The following UBAP2L variants were observed in gnomAD, a reference collection of about 807,000 sequenced individuals.
The protein encoded by UBAP2L is ubiquitin associated protein 2 like, also known as ubiquitin-associated protein 2-like.
In UBAP2L, 12 loss-of-function variants were observed where a neutral mutation model predicts 130.6. The ratio of observed to expected loss-of-function variants is 0.09; its 90% CI spans 0.06 to 0.15. The LOEUF is 0.15. Ranked by LOEUF, UBAP2L falls within the 10% of genes least tolerant of loss-of-function variation. The pLI, the probability that UBAP2L is intolerant of heterozygous loss-of-function variation, is 1.00. For missense variants in UBAP2L, 965 were observed against 1,332.5 expected (o/e 0.72, Z 4.29); for synonymous variants, 503 against 524.7 (o/e 0.96, Z 0.57).
In UBAP2L at chr1:154,260,909, G is replaced by T; in HGVS notation, c.2596G>T (p.Gly866Cys). 6.2e-7 allele frequency: 1 copy of T among 1,614,104 alleles called. No homozygotes were observed. Among genetic ancestry groups the T allele is most frequent in the Non-Finnish European group, 8.5e-7 (1 of 1,180,008 alleles). The stretch of plus-strand genomic sequence containing the variant: ...TGTCACAGGTGACCTCACAAAGTTC[G>T]GCCGTGGGGATGCCTCCTCCCCAGC... ...NPYSGDLTKFGRGDASSPAPA... is the reference protein window; with the variant it reads ...NPYSGDLTKFCRGDASSPAPA... The change falls in exon 23 of 27, where the codon GGC becomes TGC. Residue 866 changes from glycine to cysteine, a missense_variant. Around this residue, in one of 9 missense-constraint regions of UBAP2L, gnomAD observed 194 missense variants for 334.0 expected, o/e 0.58. Coordinates refer to ENST00000428931, the MANE Select transcript of UBAP2L (RefSeq NM_014847.4).
Position 154,254,674 on chromosome 1 carries a change from T to G in UBAP2L, c.1855-162T>G, listed in dbSNP as rs1016530718. On this transcript the variant is annotated intron_variant, in intron 15 of 26. Coordinates refer to ENST00000428931, the MANE Select transcript of UBAP2L (RefSeq NM_014847.4). ...GTTTAATTTTTGTTCCTATTTTGGT[T>G]TTTTGGATAGTCTACATTGTATTAA... is the stretch of plus-strand genomic sequence containing the variant. 4.9e-5 allele frequency: 38 copies of G among 783,124 alleles called. No individual in the cohort carries two copies. In the Middle Eastern group the frequency reaches 1.1e-3, roughly 23 times the overall value. 48.5% of individuals were successfully genotyped at this position (783,124 alleles called of 1,614,324 possible).
At chr1:154,255,818 T>C (rs188068064) in intron 18 of UBAP2L, 63 bp downstream of exon 18, 3 of 1,569,646 alleles carry the variant, frequency 1.9e-6, no homozygotes, top group African/African-American at 2.7e-5. Flanking sequence ...AACTGTAAGA[T>C]TGTCCCAAGA....
intron 4 of UBAP2L, among the ~76,000 whole-genome samples, chr1:154,230,013 C>A (rs566878048): frequency 6.6e-6 from 1 of 152,152 alleles, no homozygotes; most frequent in Non-Finnish European, 1.5e-5. Context: ...CACCACCATA[C>A]CCAGCTAATT....
chr1:154,258,409 C>T (rs910318332), intron 20 of UBAP2L, among the ~76,000 whole-genome samples: 1 of 152,142 alleles, frequency 6.6e-6, no homozygotes, highest in Non-Finnish European at 1.5e-5. Context: ...AGCTTTTTGC[C>T]CTAGTGTATC....
intron 11 of UBAP2L, among the ~76,000 whole-genome samples, chr1:154,247,858 A>T (rs2148833235): frequency 6.6e-6 from 1 of 152,216 alleles, no homozygotes; most frequent in South Asian, 2.1e-4. Context: ...ATGTTAGAGG[A>T]TTAATTTCAC....
At chr1:154,260,799 A>G (rs747984891) in intron 22 of UBAP2L, 93 bp from the exon 23 acceptor site, 7 of 1,247,824 alleles carry the variant, frequency 5.6e-6, no homozygotes, top group Non-Finnish European at 8.0e-6. Context: ...GTCTTTGAAC[A>G]GGATCTCCTG....
At chr1:154,221,577 G>A (rs1666117485) in intron 1 of UBAP2L, among the ~76,000 whole-genome samples, 1 of 152,224 alleles carries the variant, frequency 6.6e-6, no homozygotes, top group Admixed American at 6.5e-5. Context: ...GGTGTGCGAA[G>A]GATTAATTTG....
intron 1 of UBAP2L, chr1:154,221,323 G>A (rs1050576411): frequency 1.3e-4 from 20 of 153,242 alleles, no homozygotes; most frequent in African/African-American, 4.6e-4. Context: ...TAGGAAGGGG[G>A]GGCCATGCGG....
intron 10 of UBAP2L, among the ~76,000 whole-genome samples, chr1:154,244,903 G>A (rs1215703880): frequency 1.3e-5 from 2 of 152,118 alleles, no homozygotes; most frequent in African/African-American, 4.8e-5. Flanking sequence ...GGTGGGATTG[G>A]GAGGGGCTTC....
rs1684526064 is a variant in UBAP2L, at chr1:154,270,531, C to G, written c.*236C>G. On this transcript the variant is annotated 3_prime_UTR_variant, in exon 27 of 27. Transcript: ENST00000428931. ...TTTTCCCCCTTCCATTCCTTCTCCC[C>G]TCTTGCATTCAAGATTATGAAACTT... is the stretch of plus-strand genomic sequence containing the variant. The G allele has an allele frequency of 6.9e-7, 1 of 1,439,064 alleles. No individual in the cohort carries two copies. The highest frequency in any genetic ancestry group is 9.1e-7 in the Non-Finnish European group (1 of 1,101,044). The allele number at this position is 1,439,064 out of a possible 1,614,324, so 89.1% of individuals were successfully genotyped here.
intron 8 of UBAP2L, among the ~76,000 whole-genome samples, chr1:154,240,592 T>C (rs1206228560): frequency 1.3e-5 from 2 of 152,156 alleles, no homozygotes; most frequent in East Asian, 1.9e-4. Context: ...GCTTTTCTTA[T>C]ACAGTTAAAC....
At position 154,266,281 on chromosome 1, in the gene UBAP2L, C is replaced by T. The variant is rs542970661; in HGVS notation, c.2903-220C>T. On this transcript the variant is annotated intron_variant, in intron 24 of 26. Coordinates refer to ENST00000428931, the MANE Select transcript of UBAP2L (RefSeq NM_014847.4). ...CAAAAAACAACTTACCTCACTCTCTCTCACGTATACTCAACACGTACCTGG... is the reference window on the plus strand; with the variant it reads ...CAAAAAACAACTTACCTCACTCTCTTTCACGTATACTCAACACGTACCTGG... Among the ~76,000 whole-genome samples, 27 of 152,328 alleles carry T rather than the reference C, an allele frequency of 1.8e-4. No homozygotes were observed. The South Asian group carries it at 4.6e-3, about 26-fold the overall frequency.
intron 20 of UBAP2L, 123 bp from the exon 21 acceptor site, chr1:154,258,854 T>C: frequency 1.4e-6 from 1 of 734,068 alleles, no homozygotes; most frequent in Non-Finnish European, 2.3e-6. Context: ...AAGGAAATAA[T>C]CCGTGTCCTG....
At chr1:154,220,407 T>C (rs750437861), upstream of UBAP2L, 9 of 1,614,226 alleles carry the variant, frequency 5.6e-6, no homozygotes, top group East Asian at 2.2e-5. Context: ...CCGGACGCCA[T>C]GGCCTCCCTA....
At chr1:154,251,004 G>C (rs1385035178) in intron 12 of UBAP2L, 37 bp from the exon 13 acceptor site, 1 of 1,571,826 alleles carries the variant, frequency 6.4e-7, no homozygotes, top group Admixed American at 1.8e-5. Flanking sequence ...AGATTCATTA[G>C]CATCTCTGGC....
chr1:154,260,133 T>C, intron 22 of UBAP2L, 104 bp downstream of exon 22: 1 of 1,275,346 alleles, frequency 7.8e-7, no homozygotes, highest in Non-Finnish European at 1.1e-6. Flanking sequence ...TCAGGATTGG[T>C]AGATTCAAAA....
intron 11 of UBAP2L, among the ~76,000 whole-genome samples, chr1:154,247,918 G>A (rs1676069057): frequency 6.6e-6 from 1 of 151,304 alleles, no homozygotes. Context: ...ATATTTTTAT[G>A]TATAATACAG....
At chr1:154,252,114 C>T (rs1029991522) in intron 14 of UBAP2L, among the ~76,000 whole-genome samples, 25 of 151,698 alleles carry the variant, frequency 1.6e-4, no homozygotes, top group Admixed American at 3.3e-4. Flanking sequence ...GCTGGGATTA[C>T]AGGTGCCCAC....
In UBAP2L at chr1:154,270,328, TGA is replaced by T; in HGVS notation, c.*37_*38del. On this transcript the variant is annotated 3_prime_UTR_variant, in exon 27 of 27. Coordinates refer to ENST00000428931, the MANE Select transcript of UBAP2L (RefSeq NM_014847.4). ...ACCCTCTTCTCCCGGTCCCATCTTC[TGA>T]GAGGGCTTCTCAGCCTGGAAACTAT... 1 of 1,613,544 alleles carries T rather than the reference TGA, an allele frequency of 6.2e-7. No individual in the cohort carries two copies.
Sources: allele counts gnomAD v4.1 joint callset (sites outside exome capture counted in the v4.1 genomes callset), GRCh38; gene constraint gnomAD v4.1.1; regional missense constraint gnomAD v4.1.1; transcripts MANE v1.5; gene names NCBI Gene and HGNC (gene_info 2026-07-23, HGNC 2026-07-21).